The following LRRC69 variants were observed in gnomAD, a reference collection of about 807,000 sequenced individuals.
LRRC69 encodes leucine rich repeat containing 69.
LRRC69 carries 42 observed loss-of-function variants against 37.8 expected under a neutral mutation model. The ratio of observed to expected loss-of-function variants is 1.11; its 90% confidence interval spans 0.87 to 1.44. LRRC69 has a LOEUF of 1.44. Ranked by LOEUF, LRRC69 falls within the 40% of genes most tolerant of loss-of-function variation. LRRC69 has a pLI of 0.00. For synonymous variants in LRRC69, 141 were observed against 143.1 expected (o/e 0.99, Z 0.11); for missense variants, 357 against 401.9 (o/e 0.89, Z 0.96).
chr8:91,170,406 A>C (rs979987628), intron 5 of LRRC69, among the ~76,000 whole-genome samples: 1 of 148,246 alleles, frequency 6.7e-6, no homozygotes, highest in Non-Finnish European at 1.5e-5. Context: ...AAACTACTTT[A>C]AAGTTCATAT....
intron 7 of LRRC69, among the ~76,000 whole-genome samples, chr8:91,218,564 A>G (rs1010735762): frequency 3.3e-5 from 5 of 152,164 alleles, no homozygotes; most frequent in African/African-American, 1.2e-4. Context: ...AATACCCCTG[A>G]AGGACAAAAG....
At chr8:91,206,658 T>C (rs1586287693) in intron 7 of LRRC69, 1 of 1,287,852 alleles carries the variant, frequency 7.8e-7, no homozygotes, top group Non-Finnish European at 1.0e-6. Flanking sequence ...AACCATCTGA[T>C]GTGCTGCTAC....
chr8:91,120,678 A>G (rs1485964277), intron 1 of LRRC69, among the ~76,000 whole-genome samples: 3 of 152,122 alleles, frequency 2.0e-5, no homozygotes, highest in Non-Finnish European at 4.4e-5. Flanking sequence ...TCCTCACGGG[A>G]TAAATTCATG....
At chr8:91,106,733 T>C (rs930872298) in intron 1 of LRRC69, among the ~76,000 whole-genome samples, 2 of 151,924 alleles carry the variant, frequency 1.3e-5, no homozygotes, top group East Asian at 3.9e-4. Flanking sequence ...AAAAACTGAG[T>C]TGCCTAAAGA....
rs368603345 is a variant in LRRC69 at position 91,159,971 on chromosome 8, A to AAAC, written c.651+24250_651+24252dup. Among the ~76,000 whole-genome samples, 280 of 151,184 alleles carry AAAC rather than the reference A, an allele frequency of 1.9e-3. 1 individual carries two copies. The highest frequency in any genetic ancestry group is 6.8e-3 in the Middle Eastern group (2 of 294). On this transcript the variant is annotated intron_variant, in intron 5 of 7. Transcript: ENST00000448384. ...GTCAATCCCCACCTTAAAAAAAACA[A>AAAC]AACAACAACAACAACAACAAAAATA...
chr8:91,141,334 C>G (rs1430901574), intron 5 of LRRC69, among the ~76,000 whole-genome samples: 1 of 152,090 alleles, frequency 6.6e-6, no homozygotes, highest in Admixed American at 6.6e-5. Context: ...GTGGCCCACT[C>G]TAATCCATAT....
At chr8:91,211,223 T>C (rs2130645336) in intron 7 of LRRC69, among the ~76,000 whole-genome samples, 1 of 152,192 alleles carries the variant, frequency 6.6e-6, no homozygotes, top group East Asian at 1.9e-4. Context: ...TGTTTTGCTT[T>C]ATAAAAACCA....
intron 5 of LRRC69, among the ~76,000 whole-genome samples, chr8:91,144,704 C>T (rs1054109010): frequency 4.0e-5 from 6 of 151,398 alleles, no homozygotes; most frequent in Non-Finnish European, 7.4e-5. Context: ...CCACACCAGT[C>T]TAAGCATATC....
At chr8:91,143,458 A>G (rs150267535) in intron 5 of LRRC69, among the ~76,000 whole-genome samples, 6 of 152,190 alleles carry the variant, frequency 3.9e-5, no homozygotes, top group African/African-American at 1.2e-4. Flanking sequence ...GCTTTCTTTC[A>G]GTTTCAAATT....
Position 91,148,063 on chromosome 8 carries a change from T to A in LRRC69, c.651+12324T>A, listed in dbSNP as rs1808655290. ...CTCATGCCTTTTTATGGCTGCATACTATTCCATGGTGTATGTGTACCAATT... is the reference window on the plus strand; with the variant it reads ...CTCATGCCTTTTTATGGCTGCATACAATTCCATGGTGTATGTGTACCAATT... On this transcript the variant is annotated intron_variant, in intron 5 of 7. Coordinates refer to ENST00000448384, the Ensembl canonical transcript of LRRC69. Among the ~76,000 whole-genome samples, 3 of 151,666 alleles carry A rather than the reference T, an allele frequency of 2.0e-5. No individual in the cohort carries two copies. In the South Asian group the frequency reaches 6.2e-4, roughly 31 times the overall value.
intron 6 of LRRC69, among the ~76,000 whole-genome samples, chr8:91,195,180 C>T (rs1809574013): frequency 6.6e-6 from 1 of 151,818 alleles, no homozygotes. Flanking sequence ...ATCCTGAGTT[C>T]TAGTTTGATT....
chr8:91,194,697 C>T (rs1809563352), intron 6 of LRRC69, among the ~76,000 whole-genome samples: 1 of 151,990 alleles, frequency 6.6e-6, no homozygotes, highest in African/African-American at 2.4e-5. Flanking sequence ...GATGATATCC[C>T]CTTTATCATT....
chr8:91,158,729 A>G, intron 5 of LRRC69: 2 of 986,348 alleles, frequency 2.0e-6, no homozygotes, highest in East Asian at 4.8e-5. Flanking sequence ...TTGTTCTACA[A>G]AATGAAGACA....
At chr8:91,218,180 A>G (rs1304709535) in intron 7 of LRRC69, among the ~76,000 whole-genome samples, 2 of 152,156 alleles carry the variant, frequency 1.3e-5, no homozygotes, top group Admixed American at 1.3e-4. Flanking sequence ...AATATTTCCC[A>G]GTTACCAGTT....
At chr8:91,154,458 T>G (rs1467890696) in intron 5 of LRRC69, among the ~76,000 whole-genome samples, 1 of 151,912 alleles carries the variant, frequency 6.6e-6, no homozygotes, top group Non-Finnish European at 1.5e-5. Flanking sequence ...CTGATGAGTA[T>G]TGATGCAAAA....
chr8:91,125,256 G>A (rs1813697972), intron 2 of LRRC69, among the ~76,000 whole-genome samples: 1 of 151,744 alleles, frequency 6.6e-6, no homozygotes, highest in Admixed American at 6.6e-5. Flanking sequence ...GTCCTTAGTA[G>A]TAAAATGAGA....
chr8:91,152,919 G>T (rs1303749482), intron 5 of LRRC69, among the ~76,000 whole-genome samples: 1 of 151,184 alleles, frequency 6.6e-6, no homozygotes, highest in African/African-American at 2.4e-5. Context: ...CCAATTAAAA[G>T]ACACAGACTG....
chr8:91,166,779 G>A (rs923758317), intron 5 of LRRC69, among the ~76,000 whole-genome samples: 4 of 151,810 alleles, frequency 2.6e-5, no homozygotes, highest in African/African-American at 9.7e-5. Flanking sequence ...GGAATGGCAA[G>A]TAGAGTCAGT....
chr8:91,135,727 A>G (rs1348018434), exon 5 of LRRC69: 2 of 1,446,088 alleles, frequency 1.4e-6, no homozygotes, highest in Non-Finnish European at 1.8e-6. Context: ...TTATTCAGAT[A>G]TTTCCATCAG....
Sources: gnomAD v4.1 joint callset for allele counts (sites outside exome capture counted in the v4.1 genomes callset) on GRCh38, gnomAD v4.1.1 for gene constraint, MANE v1.5 for transcripts, NCBI Gene and HGNC (gene_info 2026-07-23, HGNC 2026-07-21) for gene names.